HADHB: variants seen among roughly 807,000 people sequenced by gnomAD.
The protein encoded by HADHB is hydroxyacyl-CoA dehydrogenase trifunctional multienzyme complex subunit beta, also known as trifunctional enzyme subunit beta, mitochondrial.
In HADHB, 50 loss-of-function variants were observed where a neutral mutation model predicts 61.9. The observed-to-expected ratio is 0.81, with a 90% CI of 0.64 to 1.02. The LOEUF (loss-of-function observed/expected upper bound fraction) is 1.02. HADHB is among the 50% of genes least tolerant of loss of function. The probability of loss-of-function intolerance (pLI) is 0.00; values close to 1 mark genes in which losing one functional copy is unlikely to be tolerated. For missense variants in HADHB, 504 were observed against 586.5 expected (o/e 0.86, Z 1.45); for synonymous variants, 191 against 201.6 (o/e 0.95, Z 0.45).
chr2:26,269,076 G>A (rs925468336), intron 4 of HADHB, among the ~76,000 whole-genome samples: 1 of 151,880 alleles, frequency 6.6e-6, no homozygotes, highest in Admixed American at 6.6e-5. Context: ...TTGAACCCTG[G>A]AGGTGGAGGT....
chr2:26,275,552 G>A (rs542282300), intron 6 of HADHB, among the ~76,000 whole-genome samples: 19 of 152,310 alleles, frequency 1.2e-4, no homozygotes, highest in Admixed American at 3.9e-4. Flanking sequence ...GCCCTTGTGA[G>A]AATCGAGCCA....
Position 26,277,135 on chromosome 2 carries a change from C to G in HADHB, c.417C>G (p.Ile139Met), listed in dbSNP as rs1172354987. Reference protein sequence around the residue: ...TPAHTVTMACISANQAMTTGV... With the variant: ...TPAHTVTMACMSANQAMTTGV... Reference sequence around the variant, plus strand: ...CTCACACTGTCACCATGGCTTGTATCTCTGCCAACCAAGCCATGACCACAG... The same window carrying G: ...CTCACACTGTCACCATGGCTTGTATGTCTGCCAACCAAGCCATGACCACAG... Residue 139 changes from isoleucine (I) to methionine (M), a missense_variant, in exon 7 of 16, where the codon ATC becomes ATG. Physicochemically the swap from Ile to Met is conservative, Grantham distance 10 (BLOSUM62 1). Coordinates refer to ENST00000317799, the MANE Select transcript of HADHB (RefSeq NM_000183.3). 2 of 1,587,928 alleles carry G rather than the reference C, an allele frequency of 1.3e-6. No homozygotes were observed. Among genetic ancestry groups the G allele is most frequent in the African/African-American group, 2.7e-5 (2 of 74,380 alleles).
At chr2:26,274,232 G>A (rs1249957545) in intron 6 of HADHB, among the ~76,000 whole-genome samples, 4 of 152,194 alleles carry the variant, frequency 2.6e-5, no homozygotes, top group Non-Finnish European at 4.4e-5. Context: ...TTTCACAGGA[G>A]TTTACTTTTG....
intron 6 of HADHB, among the ~76,000 whole-genome samples, chr2:26,276,839 C>T (rs952017017): frequency 6.6e-6 from 1 of 152,154 alleles, no homozygotes; most frequent in Non-Finnish European, 1.5e-5. Context: ...ATCATAGCCT[C>T]GTGTCTGCAC....
At chr2:26,270,471 T>C (rs1672289716) in intron 5 of HADHB, among the ~76,000 whole-genome samples, 1 of 152,262 alleles carries the variant, frequency 6.6e-6, no homozygotes, top group South Asian at 2.1e-4. Flanking sequence ...ACTGACACTT[T>C]GCCTTTGTGT....
intron 3 of HADHB, among the ~76,000 whole-genome samples, chr2:26,260,291 A>G (rs920467077): frequency 1.3e-5 from 2 of 152,100 alleles, no homozygotes; most frequent in African/African-American, 2.4e-5. Context: ...CATGTTGGCC[A>G]GGCTGGTCTT....
Position 26,284,938 on chromosome 2 carries a change from A to G in HADHB, c.1205A>G (p.Tyr402Cys). 1.9e-6 allele frequency: 3 copies of G among 1,582,820 alleles called. No homozygotes were observed. Among genetic ancestry groups the G allele is most frequent in the Non-Finnish European group, 1.7e-6 (2 of 1,151,396 alleles). ...AMDSDWFAEN[Y>C]MGRKTKVGLP... Reference sequence around the variant, plus strand: ...GATTCTGATTGGTTTGCAGAAAACTACATGGGTAGAAAAACCAAGGTGAGT... The same window carrying G: ...GATTCTGATTGGTTTGCAGAAAACTGCATGGGTAGAAAAACCAAGGTGAGT... Residue 402 changes from tyrosine to cysteine, a missense_variant, in exon 14 of 16, where the codon TAC (tyrosine) becomes TGC (cysteine). Physicochemically the swap from Tyr to Cys is radical, Grantham distance 194. Transcript: ENST00000317799.
chr2:26,260,239 G>A (rs1420227131), intron 3 of HADHB, among the ~76,000 whole-genome samples: 1 of 151,810 alleles, frequency 6.6e-6, no homozygotes, highest in Non-Finnish European at 1.5e-5. Context: ...GTACCACCGT[G>A]CCCAGCTAAT....
Position 26,280,079 on chromosome 2 carries a change from C to T in HADHB, c.897C>T (p.Pro299=), listed in dbSNP as rs768056398. The T allele has an allele frequency of 1.9e-6, 3 of 1,612,374 alleles. No homozygotes were observed. In the Admixed American group the frequency reaches 5.0e-5, roughly 27 times the overall value. ...MAKLKPAFIK[P]YGTVTAANSS... ...AACTAAAACCTGCATTCATCAAGCC[C>T]TACGGCACAGTGACAGCTGCAAATT... Residue 299 remains proline, a synonymous_variant, in exon 10 of 16, where the codon CCC becomes CCT. Coordinates refer to ENST00000317799, the MANE Select transcript of HADHB (RefSeq NM_000183.3).
In HADHB at chr2:26,282,251, C is replaced by CTTTTTT. The variant is rs67626722; in HGVS notation, c.934-578_934-573dup. Among the ~76,000 whole-genome samples, 72 of 106,858 alleles carry CTTTTTT rather than the reference C, an allele frequency of 6.7e-4. 1 individual carries two copies. The highest frequency in any genetic ancestry group is 2.1e-3 in the African/African-American group (60 of 28,604). The allele number at this position is 106,858 out of a possible 152,430, so 70.1% of individuals were successfully genotyped here. The stretch of plus-strand genomic sequence containing the variant: ...TAGTGTTTATTATGAGCAGTTCTTT[C>CTTTTTT]TTTTTTTTTTTTTTTTTTTTTGAGA... On this transcript the variant is annotated intron_variant, in intron 10 of 15. Coordinates refer to ENST00000317799, the MANE Select transcript of HADHB (RefSeq NM_000183.3).
chr2:26,286,717 G>A (rs2147834416), intron 15 of HADHB, among the ~76,000 whole-genome samples: 1 of 151,328 alleles, frequency 6.6e-6, no homozygotes, highest in African/African-American at 2.4e-5. Context: ...TATTGGCCAG[G>A]CCGGTCTCGA....
rs767087487 is a variant in HADHB at position 26,283,000 on chromosome 2, C to T, written c.1014-4C>T. The T allele has an allele frequency of 4.4e-6, 7 of 1,608,508 alleles. No homozygotes were observed. The African/African-American group carries it at 8.0e-5, about 18-fold the overall frequency. On this transcript the variant is annotated splice_region_variant and splice_polypyrimidine_tract_variant and intron_variant, in intron 11 of 15. Transcript: ENST00000317799. ...AAAGCTCACCTCTCTATTTTTTTAC[C>T]TAGGGATTTTATGTATGTGTCTCAG...
rs370346760 is a variant in HADHB at position 26,284,463 on chromosome 2, C to CT, written c.1149+275dup. Among the ~76,000 whole-genome samples, 622 of 136,848 alleles carry CT rather than the reference C, an allele frequency of 4.5e-3. 2 individuals carry two copies. Among genetic ancestry groups the CT allele is most frequent in the African/African-American group, 0.011 (403 of 37,524 alleles). 89.8% of individuals were successfully genotyped at this position (136,848 alleles called of 152,430 possible). On this transcript the variant is annotated intron_variant, in intron 13 of 15. Transcript: ENST00000317799. ...TGATACAAAGATTTGTTCAACTTTA[C>CT]TTTTTTTTTTTTTTTTGGAGACAGA...
intron 15 of HADHB, among the ~76,000 whole-genome samples, chr2:26,289,167 G>A (rs1056194992): frequency 1.3e-5 from 2 of 152,042 alleles, no homozygotes; most frequent in Non-Finnish European, 2.9e-5. Context: ...GGAGAATGGC[G>A]TGAACCCGGG....
chr2:26,259,901 A>G (rs980162228), intron 3 of HADHB, among the ~76,000 whole-genome samples: 6 of 152,144 alleles, frequency 3.9e-5, no homozygotes, highest in African/African-American at 1.4e-4. Flanking sequence ...AAGTAAAGGC[A>G]AGGAGGCTGA....
intron 10 of HADHB, among the ~76,000 whole-genome samples, chr2:26,280,531 A>T (rs1672742252): frequency 6.6e-6 from 1 of 152,306 alleles, no homozygotes; most frequent in East Asian, 1.9e-4. Context: ...TTGAAGGAAG[A>T]GTAAAAGCCA....
rs901047606 is a variant in HADHB, at chr2:26,244,976, C to T, written c.-23C>T. On this transcript the variant is annotated 5_prime_UTR_variant, in exon 1 of 16. Coordinates refer to ENST00000317799, the MANE Select transcript of HADHB (RefSeq NM_000183.3). ...ACCTTGCTCCGAGAGGGAGTCCTCG[C>T]GGACGTCAGCCAAGGTGAGACGGCG... The T allele has an allele frequency of 1.1e-5, 3 of 271,642 alleles. No individual in the cohort carries two copies. The highest frequency in any genetic ancestry group is 2.2e-5 in the Non-Finnish European group (3 of 134,188). 16.8% of individuals were successfully genotyped at this position (271,642 alleles called of 1,614,324 possible).
intron 1 of HADHB, among the ~76,000 whole-genome samples, chr2:26,253,991 G>A (rs1671510741): frequency 1.3e-5 from 2 of 152,076 alleles, no homozygotes; most frequent in South Asian, 4.1e-4. Flanking sequence ...CTCTTACAAA[G>A]GATGTAATAA....
At chr2:26,261,321 A>T (rs181100095) in intron 3 of HADHB, 140 of 401,898 alleles carry the variant, frequency 3.5e-4, no homozygotes, top group African/African-American at 2.6e-3. Context: ...CAGGCATTGC[A>T]GAATACATCT....
Sources: gnomAD v4.1 joint callset for allele counts (sites outside exome capture counted in the v4.1 genomes callset) on GRCh38, gnomAD v4.1.1 for gene constraint, MANE v1.5 for transcripts, NCBI Gene and HGNC (gene_info 2026-07-23, HGNC 2026-07-21) for gene names.